The following KCNIP4 variants were observed in gnomAD, a reference collection of about 807,000 sequenced individuals.
KCNIP4 encodes the protein potassium voltage-gated channel interacting protein 4, also known as Kv channel-interacting protein 4.
Under a neutral mutation model 34.0 loss-of-function variants are expected in KCNIP4, and 12 were observed. The observed-to-expected ratio is 0.35, with a 90% confidence interval of 0.23 to 0.57. The LOEUF is 0.57. Among genes scored for constraint, KCNIP4 ranks in the 20% least tolerant of loss-of-function variants. The pLI is 0.83. For missense variants in KCNIP4, 238 were observed against 311.7 expected (o/e 0.76, Z 1.78); for synonymous variants, 124 against 102.2 (o/e 1.21, Z -1.29).
chr4:21,202,407 A>T (rs1011977918), intron 1 of KCNIP4, among the ~76,000 whole-genome samples: 1 of 152,190 alleles, frequency 6.6e-6, no homozygotes, highest in Non-Finnish European at 1.5e-5. Context: ...AGATGGAAAC[A>T]ATAGGCACTG....
In KCNIP4 at chr4:21,617,702, G is replaced by A. The variant is rs568769655; in HGVS notation, c.61+330869C>T. ...AAGAGAAAAGCTTCTGTGAAGTTGGGATTAGAGAATGTTTTATTCCACCCT... is the reference window on the plus strand; with the variant it reads ...AAGAGAAAAGCTTCTGTGAAGTTGGAATTAGAGAATGTTTTATTCCACCCT... On this transcript the variant is annotated intron_variant, in intron 1 of 8. Coordinates refer to ENST00000382152, the MANE Select transcript of KCNIP4 (RefSeq NM_025221.6). 4.6e-5 allele frequency among the ~76,000 whole-genome samples: 7 copies of A among 152,280 alleles called. No homozygotes were observed. The East Asian group carries it at 1.4e-3, about 29-fold the overall frequency.
chr4:21,948,571 CGCCT>C lies in KCNIP4; in HGVS notation c.57_60del (p.Gly20ValfsTer18). 1 of 1,613,096 alleles carries C rather than the reference CGCCT, an allele frequency of 6.2e-7. No homozygotes were observed. The highest frequency in any genetic ancestry group is 8.5e-7 in the Non-Finnish European group (1 of 1,179,598). On this transcript the variant is annotated frameshift_variant and splice_region_variant, in exon 1 of 9. Transcript: ENST00000382152. LOFTEE classifies it high-confidence loss of function. ...CGCTCGCAAGCTTATTGCATCCTAC[CGCCT>C]GTAGAGCTGGCCTCCTCCAGCTGAG... is the stretch of plus-strand genomic sequence containing the variant.
chr4:21,491,361 GGTCTCTGAAATGCCACTT>G (rs1283817164), intron 1 of KCNIP4, among the ~76,000 whole-genome samples: 13 of 151,980 alleles, frequency 8.6e-5, no homozygotes, highest in Admixed American at 3.3e-4. Flanking sequence ...AAGAGAACTG[GGTCTCTGAAATGCCACTT>G]GTTTTTTGTT....
chr4:21,429,943 G>C (rs186475288), intron 1 of KCNIP4, among the ~76,000 whole-genome samples: 2 of 152,006 alleles, frequency 1.3e-5, no homozygotes, highest in African/African-American at 4.8e-5. Flanking sequence ...AGTATGCACT[G>C]AGCATCTATC....
chr4:20,833,484 C>CAATAATAATAATAATAATAATAATAAT (rs375084319), intron 3 of KCNIP4, among the ~76,000 whole-genome samples: 48 of 150,914 alleles, frequency 3.2e-4, no homozygotes, highest in African/African-American at 9.8e-4. Flanking sequence ...GACCCCATCT[C>CAATAATAATAATAATAATAATAATAAT]AATAATAATA....
chr4:21,192,933 ACTAC>A (rs1474206705), intron 1 of KCNIP4, among the ~76,000 whole-genome samples: 1 of 133,538 alleles, frequency 7.5e-6, no homozygotes, highest in Non-Finnish European at 1.5e-5. Context: ...TACTACTACT[ACTAC>A]TACTACTACT....
intron 2 of KCNIP4, among the ~76,000 whole-genome samples, chr4:20,867,257 C>T (rs1025471498): frequency 6.6e-6 from 1 of 151,914 alleles, no homozygotes; most frequent in African/African-American, 2.4e-5. Context: ...AGACATCACA[C>T]TACCTGATTT....
intron 1 of KCNIP4, among the ~76,000 whole-genome samples, chr4:21,540,461 G>A (rs759200569): frequency 1.3e-5 from 2 of 152,100 alleles, no homozygotes; most frequent in African/African-American, 2.4e-5. Flanking sequence ...AGGAGAATAC[G>A]TACAAGAGAG....
At chr4:21,244,239 A>T (rs920209874) in intron 1 of KCNIP4, among the ~76,000 whole-genome samples, 1 of 152,144 alleles carries the variant, frequency 6.6e-6, no homozygotes, top group Non-Finnish European at 1.5e-5. Flanking sequence ...GATAGTCATC[A>T]CCCCAAACAT....
chr4:21,393,269 T>A (rs866969256), intron 1 of KCNIP4, among the ~76,000 whole-genome samples: 1 of 152,140 alleles, frequency 6.6e-6, no homozygotes, highest in Non-Finnish European at 1.5e-5. Flanking sequence ...GTTAAATGCT[T>A]GGGTGTTGCA....
chr4:21,175,850 TG>T (rs1375102374), intron 1 of KCNIP4, among the ~76,000 whole-genome samples: 1 of 152,148 alleles, frequency 6.6e-6, no homozygotes, highest in Non-Finnish European at 1.5e-5. Flanking sequence ...CACAGATAAA[TG>T]AAACTACAGA....
chr4:21,219,409 T>G (rs1757831624), intron 1 of KCNIP4, among the ~76,000 whole-genome samples: 1 of 152,166 alleles, frequency 6.6e-6, no homozygotes, highest in Non-Finnish European at 1.5e-5. Context: ...GTGGAATTAT[T>G]GGGTCTGATA....
At chr4:20,848,513 A>G (rs547532214) in intron 3 of KCNIP4, among the ~76,000 whole-genome samples, 6 of 151,990 alleles carry the variant, frequency 3.9e-5, no homozygotes, top group African/African-American at 1.4e-4. Flanking sequence ...ATAAAAAAAA[A>G]TAAAGCAATG....
intron 1 of KCNIP4, among the ~76,000 whole-genome samples, chr4:21,516,299 G>T (rs990878682): frequency 1.3e-5 from 2 of 152,136 alleles, no homozygotes; most frequent in Non-Finnish European, 2.9e-5. Flanking sequence ...CCAAAGTTGA[G>T]TCAATGTACA....
chr4:21,856,829 G>A (rs1213261241), intron 1 of KCNIP4, among the ~76,000 whole-genome samples: 1 of 152,156 alleles, frequency 6.6e-6, no homozygotes, highest in African/African-American at 2.4e-5. Context: ...GCAAAGTGGA[G>A]GCTGAGCCTG....
intron 1 of KCNIP4, among the ~76,000 whole-genome samples, chr4:21,214,350 C>T (rs2108985171): frequency 6.6e-6 from 1 of 152,242 alleles, no homozygotes; most frequent in African/African-American, 2.4e-5. Flanking sequence ...GCTGGTATAC[C>T]TTTCTTTTGT....
At chr4:21,883,053 C>G (rs1726550819) in intron 1 of KCNIP4, among the ~76,000 whole-genome samples, 1 of 151,688 alleles carries the variant, frequency 6.6e-6, no homozygotes, top group Non-Finnish European at 1.5e-5. Context: ...CTCTCTAGGC[C>G]CAAGAAATAA....
chr4:21,155,529 T>TGAG (rs531187907), intron 1 of KCNIP4, among the ~76,000 whole-genome samples: 3 of 151,658 alleles, frequency 2.0e-5, no homozygotes, highest in Non-Finnish European at 4.4e-5. Context: ...GTCCTGGGAG[T>TGAG]GAGGAGGAGC....
At chr4:20,947,060 C>T (rs905062290) in intron 1 of KCNIP4, among the ~76,000 whole-genome samples, 11 of 152,156 alleles carry the variant, frequency 7.2e-5, no homozygotes, top group Non-Finnish European at 5.9e-5. Flanking sequence ...TTCTTTGCTC[C>T]CCTAAGCTCC....
Sources: allele counts gnomAD v4.1 joint callset (sites outside exome capture counted in the v4.1 genomes callset), GRCh38; gene constraint gnomAD v4.1.1; transcripts MANE v1.5; gene names NCBI Gene and HGNC (gene_info 2026-07-23, HGNC 2026-07-21).